Variants in ADSS2 observed in about 807,000 individuals in gnomAD.
ADSS2 encodes adenylosuccinate synthase 2.
Under a neutral mutation model 60.0 loss-of-function variants are expected in ADSS2, and 30 were observed. The observed-to-expected ratio is 0.50, with a 90% CI of 0.37 to 0.68. The LOEUF (loss-of-function observed/expected upper bound fraction) is 0.68. Ranked by LOEUF, ADSS2 falls within the 30% of genes least tolerant of loss-of-function variation. The probability of loss-of-function intolerance (pLI) is 0.00; values close to 1 mark genes in which losing one functional copy is unlikely to be tolerated. For missense variants in ADSS2, 373 were observed against 554.8 expected (o/e 0.67, Z 3.29); for synonymous variants, 187 against 193.1 (o/e 0.97, Z 0.26).
intron 10 of ADSS2, among the ~76,000 whole-genome samples, chr1:244,416,532 C>T (rs570791093): frequency 6.6e-5 from 10 of 152,168 alleles, no homozygotes; most frequent in Admixed American, 4.6e-4. Flanking sequence ...GTTGCCCAGG[C>T]TGGTCTCGAA....
intron 1 of ADSS2, among the ~76,000 whole-genome samples, chr1:244,446,400 C>A (rs1487732381): frequency 6.6e-6 from 1 of 152,076 alleles, no homozygotes; most frequent in African/African-American, 2.4e-5. Flanking sequence ...TAGCAGTAAC[C>A]AGACACACTA....
chr1:244,427,492 ACTAGT>A (rs1170665651), intron 4 of ADSS2, among the ~76,000 whole-genome samples: 8 of 152,150 alleles, frequency 5.3e-5, no homozygotes, highest in Non-Finnish European at 1.0e-4. Flanking sequence ...AGTAAAAGTA[ACTAGT>A]CTAAACATTC....
intron 11 of ADSS2, 134 bp from the exon 12 acceptor site, chr1:244,411,570 G>GGTA (rs1664419644): frequency 1.1e-6 from 1 of 899,020 alleles, no homozygotes; most frequent in African/African-American, 1.7e-5. Flanking sequence ...GAATTCTTCA[G>GGTA]GTAGTAGAAA....
intron 3 of ADSS2, among the ~76,000 whole-genome samples, chr1:244,433,776 C>A (rs557244203): frequency 1.4e-5 from 2 of 146,982 alleles, no homozygotes; most frequent in East Asian, 2.2e-4. Flanking sequence ...AGGAGAATCA[C>A]TTGAACCCGG....
intron 1 of ADSS2, among the ~76,000 whole-genome samples, chr1:244,444,058 T>TATA (rs1161473540): frequency 6.6e-6 from 1 of 152,232 alleles, no homozygotes; most frequent in Non-Finnish European, 1.5e-5. Context: ...CATAAGCTTA[T>TATA]AATGCCTTAT....
intron 2 of ADSS2, 34 bp from the exon 3 acceptor site, chr1:244,436,927 A>T (rs1454245170): frequency 6.4e-7 from 1 of 1,561,798 alleles, no homozygotes; most frequent in Non-Finnish European, 8.8e-7. Flanking sequence ...AACGGTAAAC[A>T]TCTATAACTC....
At chr1:244,411,091 C>T (rs546528167) in intron 12 of ADSS2, among the ~76,000 whole-genome samples, 196 bp downstream of exon 12, 3 of 152,014 alleles carry the variant, frequency 2.0e-5, no homozygotes, top group East Asian at 3.9e-4. Context: ...CGTGGTGGCG[C>T]GCACCTCTAA....
chr1:244,433,669 C>T (rs1404713556), intron 3 of ADSS2, among the ~76,000 whole-genome samples: 1 of 152,024 alleles, frequency 6.6e-6, no homozygotes, highest in Non-Finnish European at 1.5e-5. Flanking sequence ...ACCATCCTGA[C>T]CAACATGGTG....
chr1:244,445,160 C>A (rs2148014958), intron 1 of ADSS2, among the ~76,000 whole-genome samples: 1 of 152,300 alleles, frequency 6.6e-6, no homozygotes, highest in South Asian at 2.1e-4. Context: ...ATTCCAGGAG[C>A]AGGCTTCATC....
At position 244,439,617 on chromosome 1, in the gene ADSS2, G is replaced by A. The variant is rs147714747; in HGVS notation, c.184-1849C>T. Among the ~76,000 whole-genome samples the A allele has an allele frequency of 3.6e-3, 555 of 152,232 alleles. 4 individuals are homozygous for A. Among genetic ancestry groups the A allele is most frequent in the Non-Finnish European group, 6.2e-3 (424 of 68,014 alleles). On this transcript the variant is annotated intron_variant, in intron 1 of 12. Coordinates refer to ENST00000366535, the MANE Select transcript of ADSS2 (RefSeq NM_001126.5). Reference sequence around the variant, plus strand: ...GCATGCTGTGCTGCCTGCGGTTGGGGGAAGAGGGGCACAAGCACTCCCTTA... The same window carrying A: ...GCATGCTGTGCTGCCTGCGGTTGGGAGAAGAGGGGCACAAGCACTCCCTTA...
At chr1:244,444,342 C>T (rs1263278848) in intron 1 of ADSS2, among the ~76,000 whole-genome samples, 2 of 146,698 alleles carry the variant, frequency 1.4e-5, no homozygotes, top group African/African-American at 2.6e-5. Flanking sequence ...GGTGAAACCC[C>T]GTCTCTACTA....
chr1:244,447,754 A>G (rs1477799020), intron 1 of ADSS2, among the ~76,000 whole-genome samples: 1 of 152,220 alleles, frequency 6.6e-6, no homozygotes, highest in Non-Finnish European at 1.5e-5. Flanking sequence ...ATTCCGCCTT[A>G]AATGTATGCC....
chr1:244,451,255 T>C lies in ADSS2; in HGVS notation c.183+380A>G, dbSNP rs556083493. On this transcript the variant is annotated intron_variant, in intron 1 of 12. Transcript: ENST00000366535. The surrounding 1 kb of genome is among the most constrained non-coding windows in gnomAD (Gnocchi z 6.6). Reference sequence around the variant, plus strand: ...GGGTCTCCGCCCGCAGTCGGAAGAGTTGGGAGCAGGCCTCGGGCGGTAGCT... The same window carrying C: ...GGGTCTCCGCCCGCAGTCGGAAGAGCTGGGAGCAGGCCTCGGGCGGTAGCT... Among the ~76,000 whole-genome samples, 4 of 151,636 alleles carry C rather than the reference T, an allele frequency of 2.6e-5. No individual in the cohort carries two copies. The highest frequency in any genetic ancestry group is 1.3e-4 in the Admixed American group (2 of 15,260).
intron 3 of ADSS2, among the ~76,000 whole-genome samples, chr1:244,435,273 T>C (rs1665068027): frequency 6.6e-6 from 1 of 150,708 alleles, no homozygotes; most frequent in Non-Finnish European, 1.5e-5. Flanking sequence ...ACTATACTAA[T>C]GATTTTCCTC....
At chr1:244,413,707 A>G (rs1664467975) in intron 11 of ADSS2, among the ~76,000 whole-genome samples, 1 of 152,134 alleles carries the variant, frequency 6.6e-6, no homozygotes, top group Non-Finnish European at 1.5e-5. Context: ...AAAGAGCAGG[A>G]CCATCAGAGG....
chr1:244,436,707 C>T (rs939014597), intron 3 of ADSS2, 118 bp downstream of exon 3: 22 of 724,384 alleles, frequency 3.0e-5, no homozygotes, highest in African/African-American at 2.0e-4. Flanking sequence ...ATTAAAAATT[C>T]GTCTATAATA....
chr1:244,411,722 A>T (rs762146093), intron 11 of ADSS2, among the ~76,000 whole-genome samples: 16 of 152,208 alleles, frequency 1.1e-4, no homozygotes, highest in Non-Finnish European at 1.8e-4. Flanking sequence ...CTGCCAAATG[A>T]ATCTGGGTGC....
At chr1:244,437,285 T>C (rs778962580) in intron 2 of ADSS2, among the ~76,000 whole-genome samples, 7 of 152,144 alleles carry the variant, frequency 4.6e-5, no homozygotes, top group African/African-American at 9.7e-5. Flanking sequence ...AAGATCAGAT[T>C]GCATCATTTA....
intron 10 of ADSS2, 124 bp downstream of exon 10, chr1:244,417,504 C>A: frequency 2.5e-6 from 3 of 1,194,804 alleles, no homozygotes; most frequent in Non-Finnish European, 3.5e-6. Context: ...TTCTGCCTGG[C>A]ACTACAATTT....
Sources: allele counts gnomAD v4.1 joint callset (sites outside exome capture counted in the v4.1 genomes callset), GRCh38; gene constraint gnomAD v4.1.1; non-coding constraint Gnocchi (gnomAD v3.1); transcripts MANE v1.5; gene names NCBI Gene and HGNC (gene_info 2026-07-23, HGNC 2026-07-21).